The following NALF1 variants were observed in gnomAD, a reference collection of about 807,000 sequenced individuals.
NALF1 encodes NALCN channel auxiliary factor 1.
Under a neutral mutation model 48.4 loss-of-function variants are expected in NALF1, and 3 were observed. The ratio of observed to expected loss-of-function variants is 0.06; its 90% CI spans 0.03 to 0.16. The LOEUF is 0.16. Ranked by LOEUF, NALF1 falls within the 10% of genes least tolerant of loss-of-function variation. The probability of loss-of-function intolerance (pLI) is 1.00; values close to 1 mark genes in which losing one functional copy is unlikely to be tolerated. For synonymous variants in NALF1, 262 were observed against 245.7 expected, an observed-to-expected ratio of 1.07 and a Z score of -0.62; for missense variants, 526 against 571.5, an observed-to-expected ratio of 0.92 and a Z score of 0.81.
intron 1 of NALF1, among the ~76,000 whole-genome samples, chr13:107,337,973 T>C (rs972146526): frequency 6.6e-6 from 1 of 152,242 alleles, no homozygotes; most frequent in African/African-American, 2.4e-5. Context: ...TCTGTGGTTA[T>C]GCTGGGAAAA....
Position 107,174,607 on chromosome 13 carries a change from G to A in NALF1, c.1088-3821C>T, listed in dbSNP as rs1878878889. 2.0e-5 allele frequency among the ~76,000 whole-genome samples: 3 copies of A among 151,954 alleles called. No homozygotes were observed. In the South Asian group the frequency reaches 6.2e-4, roughly 32 times the overall value. ...CTTGACCTCGTGATCCACCCGCCTC[G>A]GCCTCCCAGAGTGCTGGGAATACAG... On this transcript the variant is annotated intron_variant, in intron 2 of 2. Transcript: ENST00000375915.
chr13:107,421,195 C>T (rs1884180392), intron 1 of NALF1, among the ~76,000 whole-genome samples: 1 of 152,118 alleles, frequency 6.6e-6, no homozygotes, highest in South Asian at 2.1e-4. Flanking sequence ...AGCATTGAGA[C>T]CTTAAATAAA....
chr13:107,308,697 T>C (rs55654204), intron 1 of NALF1, among the ~76,000 whole-genome samples: 49 of 152,312 alleles, frequency 3.2e-4, no homozygotes, highest in Non-Finnish European at 6.2e-4. Flanking sequence ...TGCTCAGTGA[T>C]TGAAAATATA....
rs371071027 is a variant in NALF1 at position 107,170,121 on chromosome 13, T to C, written c.*376A>G. ...AACACACACAATGACTAGAAATATA[T>C]AGAGAGATAGAGACAGTGAAAAGAC... On this transcript the variant is annotated 3_prime_UTR_variant, in exon 3 of 3. Transcript: ENST00000375915. 1.2e-4 allele frequency: 22 copies of C among 180,160 alleles called. No homozygotes were observed. The East Asian group carries it at 2.8e-3, about 23-fold the overall frequency. 11.2% of individuals were successfully genotyped at this position (180,160 alleles called of 1,614,324 possible).
At chr13:107,371,729 GA>G (rs1380312393) in intron 1 of NALF1, among the ~76,000 whole-genome samples, 1 of 152,128 alleles carries the variant, frequency 6.6e-6, no homozygotes, top group Admixed American at 6.6e-5. Flanking sequence ...CAGACCTTGA[GA>G]AGTCGAGATC....
chr13:107,309,304 T>C (rs1881999567), intron 1 of NALF1, among the ~76,000 whole-genome samples: 1 of 152,246 alleles, frequency 6.6e-6, no homozygotes, highest in South Asian at 2.1e-4. Flanking sequence ...TTCAGTATGA[T>C]GTCATTCATC....
intron 1 of NALF1, among the ~76,000 whole-genome samples, chr13:107,576,463 G>A (rs557519757): frequency 7.2e-5 from 11 of 152,280 alleles, no homozygotes; most frequent in African/African-American, 2.4e-4. Flanking sequence ...GTGAGGGTGG[G>A]AAACCACAGA....
chr13:107,380,813 C>A (rs1883422917), intron 1 of NALF1, among the ~76,000 whole-genome samples: 1 of 151,504 alleles, frequency 6.6e-6, no homozygotes, highest in Admixed American at 6.6e-5. Flanking sequence ...CCCGTCTCTA[C>A]TAAAAATACA....
intron 2 of NALF1, among the ~76,000 whole-genome samples, chr13:107,198,530 T>C (rs1879440808): frequency 6.6e-6 from 1 of 152,252 alleles, no homozygotes; most frequent in African/African-American, 2.4e-5. Flanking sequence ...CCTCCAGAAC[T>C]TCTGAAGCAT....
At chr13:107,460,602 A>C (rs185935197) in intron 1 of NALF1, among the ~76,000 whole-genome samples, 46 of 152,274 alleles carry the variant, frequency 3.0e-4, no homozygotes, top group Non-Finnish European at 5.4e-4. Context: ...AGCAAATCTC[A>C]ACACAGATTT....
At chr13:107,296,375 T>G (rs904175945) in intron 1 of NALF1, among the ~76,000 whole-genome samples, 5 of 152,174 alleles carry the variant, frequency 3.3e-5, no homozygotes, top group Admixed American at 2.0e-4. Flanking sequence ...CACAGCTTAT[T>G]TTTGTGGGAC....
At chr13:107,818,801 G>A (rs971390433) in intron 1 of NALF1, among the ~76,000 whole-genome samples, 12 of 137,650 alleles carry the variant, frequency 8.7e-5, no homozygotes, top group Non-Finnish European at 7.5e-5. Flanking sequence ...GAACCCGGGA[G>A]GCGGAGCTTG....
chr13:107,662,931 T>G (rs530664130), intron 1 of NALF1, among the ~76,000 whole-genome samples: 1 of 152,288 alleles, frequency 6.6e-6, no homozygotes, highest in South Asian at 2.1e-4. Flanking sequence ...CATAAATCAT[T>G]AAATATTAAT....
At chr13:107,842,637 T>C (rs1197156281) in intron 1 of NALF1, among the ~76,000 whole-genome samples, 1 of 151,296 alleles carries the variant, frequency 6.6e-6, no homozygotes, top group Admixed American at 6.6e-5. Flanking sequence ...AAGCACATGA[T>C]ATACAAAAGA....
rs918652401 is a variant in NALF1, at chr13:107,611,759, A to G, written c.915+253923T>C. On this transcript the variant is annotated intron_variant, in intron 1 of 2. Coordinates refer to ENST00000375915, the MANE Select transcript of NALF1 (RefSeq NM_001080396.3). Reference sequence around the variant, plus strand: ...AAAAAAAAGCAAGAGAGAGATAAAAAAAGAGAACAAAAAATTAGCAGGGAA... The same window carrying G: ...AAAAAAAAGCAAGAGAGAGATAAAAGAAGAGAACAAAAAATTAGCAGGGAA... Among the ~76,000 whole-genome samples the G allele has an allele frequency of 2.0e-5, 3 of 151,450 alleles. No homozygotes were observed. In the East Asian group the frequency reaches 5.9e-4, roughly 30 times the overall value.
chr13:107,786,358 GT>G (rs1413272403), intron 1 of NALF1, among the ~76,000 whole-genome samples: 2 of 136,354 alleles, frequency 1.5e-5, no homozygotes, highest in African/African-American at 5.5e-5. Flanking sequence ...AGAGGTTGCA[GT>G]AAGCTGAAAT....
At chr13:107,303,839 T>C (rs1387450929) in intron 1 of NALF1, among the ~76,000 whole-genome samples, 1 of 152,168 alleles carries the variant, frequency 6.6e-6, no homozygotes, top group Non-Finnish European at 1.5e-5. Flanking sequence ...CTAGGAGATA[T>C]TCAACTAGTT....
At chr13:107,827,159 T>C (rs1879544713) in intron 1 of NALF1, among the ~76,000 whole-genome samples, 1 of 152,236 alleles carries the variant, frequency 6.6e-6, no homozygotes, top group Non-Finnish European at 1.5e-5. Flanking sequence ...TGTAATATAC[T>C]TGTTTTAACC....
At chr13:107,686,328 A>C (rs1881432396) in intron 1 of NALF1, among the ~76,000 whole-genome samples, 1 of 152,172 alleles carries the variant, frequency 6.6e-6, no homozygotes, top group South Asian at 2.1e-4. Flanking sequence ...CCACAGTATA[A>C]TCAAGCAACT....
Sources: allele counts gnomAD v4.1 joint callset (sites outside exome capture counted in the v4.1 genomes callset), GRCh38; gene constraint gnomAD v4.1.1; transcripts MANE v1.5; gene names NCBI Gene and HGNC (gene_info 2026-07-23, HGNC 2026-07-21).